MYOZ3: variants seen among roughly 807,000 people sequenced by gnomAD.
MYOZ3 encodes the protein myozenin 3, also known as myozenin-3.
Under a neutral mutation model 26.5 loss-of-function variants are expected in MYOZ3, and 19 were observed. That is an observed-to-expected ratio of 0.72 (90% CI 0.50 to 1.05). The LOEUF is 1.05. Among genes scored for constraint, MYOZ3 ranks in the 50% least tolerant of loss-of-function variants. The probability of loss-of-function intolerance (pLI) is 0.00; values close to 1 mark genes in which losing one functional copy is unlikely to be tolerated. For synonymous variants in MYOZ3, 135 were observed against 138.8 expected (o/e 0.97, Z 0.19); for missense variants, 322 against 337.1 (o/e 0.96, Z 0.35).
intron 2 of MYOZ3, 53 bp from the exon 3 acceptor site, chr5:150,670,431 T>C: frequency 6.5e-7 from 1 of 1,536,314 alleles, no homozygotes; most frequent in Non-Finnish European, 8.8e-7. Context: ...AGGTGGGGCC[T>C]GGAGTGTATG....
In MYOZ3 at chr5:150,677,922, GA is replaced by G. The variant is rs1358180959; in HGVS notation, c.*1048del. On this transcript the variant is annotated 3_prime_UTR_variant, in exon 7 of 7. Coordinates refer to ENST00000517768, the MANE Select transcript of MYOZ3 (RefSeq NM_001122853.3). Reference sequence around the variant, plus strand: ...GCGTGAGAGTCCATGAAGGGGGTGTGAGGGGGAGGGTATTTCTGGAAAGTGG... The same window carrying G: ...GCGTGAGAGTCCATGAAGGGGGTGTGGGGGGAGGGTATTTCTGGAAAGTGG... 2 of 152,382 alleles carry G rather than the reference GA, an allele frequency of 1.3e-5. No homozygotes were observed. The highest frequency in any genetic ancestry group is 4.8e-5 in the African/African-American group (2 of 41,444). 9.4% of individuals were successfully genotyped at this position (152,382 alleles called of 1,614,324 possible).
intron 6 of MYOZ3, among the ~76,000 whole-genome samples, chr5:150,675,420 T>G (rs567673134): frequency 3.3e-5 from 5 of 152,266 alleles, no homozygotes; most frequent in African/African-American, 1.2e-4. Context: ...TGGCCCAGGC[T>G]GCAGTGCAAT....
At chr5:150,665,492 G>T (rs979455058) in intron 2 of MYOZ3, among the ~76,000 whole-genome samples, 3 of 152,068 alleles carry the variant, frequency 2.0e-5, no homozygotes, top group Non-Finnish European at 2.9e-5. Context: ...AAACCCCACT[G>T]CAATAAACAT....
chr5:150,674,160 A>G (rs1401261186), intron 6 of MYOZ3, among the ~76,000 whole-genome samples: 1 of 152,200 alleles, frequency 6.6e-6, no homozygotes, highest in Non-Finnish European at 1.5e-5. Flanking sequence ...ATTAACAGAC[A>G]TTCTGGAGTT....
At chr5:150,670,433 G>C in intron 2 of MYOZ3, 51 bp from the exon 3 acceptor site, 1 of 1,541,150 alleles carries the variant, frequency 6.5e-7, no homozygotes, top group Non-Finnish European at 8.8e-7. Context: ...GTGGGGCCTG[G>C]AGTGTATGGG....
chr5:150,663,082 G>T (rs755107848), intron 2 of MYOZ3, 80 bp downstream of exon 2: 37 of 1,255,200 alleles, frequency 2.9e-5, no homozygotes, highest in African/African-American at 4.6e-5. Flanking sequence ...TGGCCTGCTG[G>T]CCCCAGGCCT....
In MYOZ3 at chr5:150,671,641, G is replaced by C; in HGVS notation, c.261G>C (p.Glu87Asp). Residue 87 changes from glutamate (E) to aspartate (D), a missense_variant, in exon 4 of 7, where the codon GAG becomes GAC. Coordinates refer to ENST00000517768, the MANE Select transcript of MYOZ3 (RefSeq NM_001122853.3). Reference sequence around the variant, plus strand: ...GGAGGAAGGTGACTGGAACAGCGGAGTCGGGGACGGTGAGCGTGGAGGGGA... The same window carrying C: ...GGAGGAAGGTGACTGGAACAGCGGACTCGGGGACGGTGAGCGTGGAGGGGA... ...SARRKVTGTA[E>D]SGTVANANGP... 6.2e-7 allele frequency: 1 copy of C among 1,613,906 alleles called. No homozygotes were observed. The highest frequency in any genetic ancestry group is 2.2e-5 in the East Asian group (1 of 44,870).
intron 2 of MYOZ3, chr5:150,670,105 C>A: frequency 6.2e-6 from 1 of 160,456 alleles, no homozygotes; most frequent in Non-Finnish European, 1.4e-5. Context: ...GGCCAGAAAC[C>A]TTGCAGTCAT....
intron 6 of MYOZ3, among the ~76,000 whole-genome samples, chr5:150,675,057 A>G (rs1028359580): frequency 2.2e-4 from 34 of 152,182 alleles, no homozygotes; most frequent in African/African-American, 7.5e-4. Flanking sequence ...TTAAAATCAC[A>G]TACATAGGTT....
In MYOZ3 at chr5:150,678,500, T is replaced by C. The variant is rs921404981; in HGVS notation, c.*1625T>C. The C allele has an allele frequency of 5.9e-5, 9 of 152,334 alleles. No individual in the cohort carries two copies. The highest frequency in any genetic ancestry group is 2.2e-4 in the African/African-American group (9 of 41,436). 9.4% of individuals were successfully genotyped at this position (152,334 alleles called of 1,614,324 possible). A position where few individuals can be genotyped will look rare whatever the true frequency, so the allele number is the denominator to read the frequency against. ...ATCTGATTCCAGTGGATGTCTCTTT[T>C]CAGTGCACTGGGTGGTCAATGCCCA... On this transcript the variant is annotated 3_prime_UTR_variant, in exon 7 of 7. Coordinates refer to ENST00000517768, the MANE Select transcript of MYOZ3 (RefSeq NM_001122853.3).
intron 6 of MYOZ3, among the ~76,000 whole-genome samples, chr5:150,675,282 C>T (rs1038233938): frequency 1.3e-5 from 2 of 149,964 alleles, no homozygotes; most frequent in African/African-American, 5.1e-5. Context: ...TGTTAACTTG[C>T]TTTTTTTACT....
chr5:150,676,070 T>C (rs896811427), intron 6 of MYOZ3, among the ~76,000 whole-genome samples: 5 of 152,228 alleles, frequency 3.3e-5, no homozygotes, highest in South Asian at 2.1e-4. Context: ...CTCTTTCTAA[T>C]GCTCTCTTCT....
At chr5:150,671,298 C>A in intron 3 of MYOZ3, 1 of 452,510 alleles carries the variant, frequency 2.2e-6, no homozygotes, top group African/African-American at 2.0e-5. Flanking sequence ...GCTCATAGAC[C>A]CCTCTGAGGA....
intron 1 of MYOZ3, among the ~76,000 whole-genome samples, chr5:150,662,655 C>T (rs1287699432): frequency 6.6e-6 from 1 of 152,154 alleles, no homozygotes; most frequent in Non-Finnish European, 1.5e-5. Context: ...GATCAGGATG[C>T]CAGAGCTGGG....
intron 6 of MYOZ3, among the ~76,000 whole-genome samples, chr5:150,675,614 CG>C (rs1286734110): frequency 6.6e-6 from 1 of 152,180 alleles, no homozygotes; most frequent in Non-Finnish European, 1.5e-5. Flanking sequence ...CTCAGGTGAT[CG>C]GCCCTCCTCG....
chr5:150,675,513 C>T (rs182891442), intron 6 of MYOZ3, among the ~76,000 whole-genome samples: 151 of 152,222 alleles, frequency 9.9e-4, no homozygotes, highest in African/African-American at 3.5e-3. Context: ...GCTGGAATTA[C>T]AGTCACCCAC....
At chr5:150,675,824 C>T (rs1758997296) in intron 6 of MYOZ3, among the ~76,000 whole-genome samples, 1 of 152,318 alleles carries the variant, frequency 6.6e-6, no homozygotes. Context: ...AAGCCATATG[C>T]TCAGAGGTGA....
At chr5:150,667,883 A>G (rs886882489) in intron 2 of MYOZ3, among the ~76,000 whole-genome samples, 2 of 152,230 alleles carry the variant, frequency 1.3e-5, no homozygotes, top group African/African-American at 2.4e-5. Flanking sequence ...GAATGCATCA[A>G]AATAATAAAA....
intron 2 of MYOZ3, among the ~76,000 whole-genome samples, chr5:150,665,809 G>A (rs112554696): frequency 0.01 from 1,533 of 151,988 alleles, 25 homozygotes; most frequent in African/African-American, 0.033. Context: ...ACTGAGGCAA[G>A]CGGATGACCT....
Sources: allele counts gnomAD v4.1 joint callset (sites outside exome capture counted in the v4.1 genomes callset), GRCh38; gene constraint gnomAD v4.1.1; transcripts MANE v1.5; gene names NCBI Gene and HGNC (gene_info 2026-07-23, HGNC 2026-07-21).